Variants in PIGU observed in about 807,000 individuals in gnomAD.
The protein encoded by PIGU is phosphatidylinositol glycan anchor biosynthesis class U.
PIGU carries 24 observed loss-of-function variants against 49.9 expected under a neutral mutation model. That is an observed-to-expected ratio of 0.48 (90% CI 0.35 to 0.68). The LOEUF is 0.68. Among genes scored for constraint, PIGU ranks in the 30% least tolerant of loss-of-function variants. The pLI is 0.01. For synonymous variants in PIGU, 220 were observed against 205.7 expected (o/e 1.07, Z -0.59); for missense variants, 490 against 532.6 (o/e 0.92, Z 0.79).
intron 10 of PIGU, among the ~76,000 whole-genome samples, chr20:34,576,709 A>G (rs1425646045): frequency 6.6e-6 from 1 of 152,156 alleles, no homozygotes; most frequent in Non-Finnish European, 1.5e-5. Context: ...GAAGCCTCGA[A>G]TTCCTGGGCT....
intron 5 of PIGU, among the ~76,000 whole-genome samples, chr20:34,636,798 C>A (rs577729237): frequency 2.4e-4 from 36 of 152,230 alleles, no homozygotes; most frequent in African/African-American, 7.5e-4. Context: ...AAATCCAATA[C>A]CTCCCACGAC....
intron 6 of PIGU, 112 bp from the exon 7 acceptor site, chr20:34,616,251 A>G: frequency 3.4e-6 from 4 of 1,184,308 alleles, no homozygotes; most frequent in Non-Finnish European, 4.7e-6. Context: ...ATCACCTGCC[A>G]AGTGCCTCCT....
At chr20:34,583,062 A>G (rs1685419684) in intron 9 of PIGU, among the ~76,000 whole-genome samples, 1 of 152,234 alleles carries the variant, frequency 6.6e-6, no homozygotes, top group Non-Finnish European at 1.5e-5. Context: ...CTTGCAGGTC[A>G]AAGGTCAGGG....
rs370432189 is a variant in PIGU, at chr20:34,585,674, G to A, written c.783-94C>T. 37 of 1,420,448 alleles carry A rather than the reference G, an allele frequency of 2.6e-5. No homozygotes were observed. The African/African-American group carries it at 4.7e-4, about 18-fold the overall frequency. 88.0% of individuals were successfully genotyped at this position (1,420,448 alleles called of 1,614,324 possible). On this transcript the variant is annotated intron_variant, in intron 8 of 11. Coordinates refer to ENST00000217446, the MANE Select transcript of PIGU (RefSeq NM_080476.5). ...TCTCCTGAAGACTTTGGTCACTGCT[G>A]GGCAGCCAAGGACGACTTTCTCCCT...
intron 7 of PIGU, among the ~76,000 whole-genome samples, chr20:34,596,921 TAAAC>T (rs1984223073): frequency 6.6e-6 from 1 of 151,970 alleles, no homozygotes; most frequent in Non-Finnish European, 1.5e-5. Flanking sequence ...CAAAGCAAAA[TAAAC>T]AAAAGACAAG....
chr20:34,562,476 G>A (rs1455272192), intron 11 of PIGU: 17 of 1,289,054 alleles, frequency 1.3e-5, no homozygotes, highest in East Asian at 5.5e-5. Flanking sequence ...GATCAGAGGC[G>A]CCTGGAGGAG....
chr20:34,630,426 A>C (rs1418459555), intron 6 of PIGU, among the ~76,000 whole-genome samples: 1 of 151,882 alleles, frequency 6.6e-6, no homozygotes, highest in African/African-American at 2.4e-5. Flanking sequence ...AAAAACCCTA[A>C]CTCTGCTACC....
At chr20:34,569,115 G>A (rs1464831681) in intron 11 of PIGU, among the ~76,000 whole-genome samples, 3 of 151,802 alleles carry the variant, frequency 2.0e-5, no homozygotes, top group African/African-American at 7.3e-5. Flanking sequence ...GAGGTGGGAG[G>A]ACCTCTTGAG....
At chr20:34,623,113 C>T (rs1985309729) in intron 6 of PIGU, among the ~76,000 whole-genome samples, 1 of 151,990 alleles carries the variant, frequency 6.6e-6, no homozygotes, top group Non-Finnish European at 1.5e-5. Context: ...ACAGGGACTT[C>T]AAGTGGAGTA....
chr20:34,611,824 C>T (rs1176380152), intron 7 of PIGU, among the ~76,000 whole-genome samples: 2 of 152,080 alleles, frequency 1.3e-5, no homozygotes, highest in East Asian at 1.9e-4. Flanking sequence ...TACCATCTCA[C>T]GCCAGCTGGA....
chr20:34,658,726 C>T (rs1409100950), intron 1 of PIGU, among the ~76,000 whole-genome samples: 316 of 151,804 alleles, frequency 2.1e-3, no homozygotes, highest in African/African-American at 7.1e-3. Flanking sequence ...ACAACCGCCC[C>T]GTCTGAGAAG....
chr20:34,658,493 A>C, intron 1 of PIGU, among the ~76,000 whole-genome samples: 1 of 139,806 alleles, frequency 7.2e-6, no homozygotes, highest in Non-Finnish European at 1.5e-5. Flanking sequence ...CTGGCTGCCC[A>C]GTCTGGAAAG....
intron 8 of PIGU, among the ~76,000 whole-genome samples, chr20:34,586,080 G>A (rs879566650): frequency 6.6e-6 from 1 of 152,134 alleles, no homozygotes; most frequent in Non-Finnish European, 1.5e-5. Context: ...AGGAACAATC[G>A]GTGGGTTCTG....
intron 11 of PIGU, among the ~76,000 whole-genome samples, chr20:34,571,711 G>A (rs1469641593): frequency 6.6e-6 from 1 of 152,142 alleles, no homozygotes; most frequent in Non-Finnish European, 1.5e-5. Flanking sequence ...GTGGGACAAG[G>A]GGACCTCATG....
At chr20:34,623,595 ACTTCAGACCC>A (rs1985336571) in intron 6 of PIGU, among the ~76,000 whole-genome samples, 1 of 152,214 alleles carries the variant, frequency 6.6e-6, no homozygotes, top group Non-Finnish European at 1.5e-5. Flanking sequence ...AAATGGTTTT[ACTTCAGACCC>A]CATGTTCTGA....
chr20:34,570,297 T>C (rs199858204), intron 11 of PIGU, among the ~76,000 whole-genome samples: 1 of 152,114 alleles, frequency 6.6e-6, no homozygotes, highest in East Asian at 1.9e-4. Context: ...AGCCTATGAG[T>C]TTATGTAAAT....
chr20:34,640,529 ACACACACC>A (rs68037361), intron 4 of PIGU, among the ~76,000 whole-genome samples: 3,546 of 124,454 alleles, frequency 0.028, 109 homozygotes, highest in African/African-American at 0.079. Context: ...ACACACACAC[ACACACACC>A]CCTTAAGAAA....
chr20:34,614,682 T>C (rs905661853), intron 7 of PIGU, among the ~76,000 whole-genome samples: 2 of 151,018 alleles, frequency 1.3e-5, no homozygotes, highest in Non-Finnish European at 1.5e-5. Context: ...ATAAATGACA[T>C]ATCTCAAACA....
chr20:34,616,266 C>T, intron 6 of PIGU, 127 bp from the exon 7 acceptor site: 3 of 1,000,376 alleles, frequency 3.0e-6, no homozygotes, highest in Non-Finnish European at 4.3e-6. Flanking sequence ...CCTCCTGGTA[C>T]ACAAGGTGCT....
Sources: allele counts gnomAD v4.1 joint callset (sites outside exome capture counted in the v4.1 genomes callset), GRCh38; gene constraint gnomAD v4.1.1; transcripts MANE v1.5; gene names NCBI Gene and HGNC (gene_info 2026-07-23, HGNC 2026-07-21).